Variants in KIF2A observed in about 807,000 individuals in gnomAD.
The protein encoded by KIF2A is kinesin family member 2A.
Under a neutral mutation model 100.2 loss-of-function variants are expected in KIF2A, and 22 were observed. The ratio of observed to expected loss-of-function variants is 0.22; its 90% CI spans 0.16 to 0.31. The LOEUF (loss-of-function observed/expected upper bound fraction) is 0.31. Ranked by LOEUF, KIF2A falls within the 10% of genes least tolerant of loss-of-function variation. KIF2A has a pLI of 1.00. For synonymous variants in KIF2A, 268 were observed against 285.9 expected (o/e 0.94, Z 0.63); for missense variants, 495 against 898.7 (o/e 0.55, Z 5.74).
At position 62,306,346 on chromosome 5, in the gene KIF2A, G is replaced by T. The variant is rs1745265057; in HGVS notation, c.-127G>T. ...TCCTTGCGGCCCCGCTTGCGTTCAC[G>T]CTGTCGCCCGGGCCGGCGCGGCCGC... is the stretch of plus-strand genomic sequence containing the variant. On this transcript the variant is annotated 5_prime_UTR_variant, in exon 1 of 21. Transcript: ENST00000407818. 2.7e-6 allele frequency: 2 copies of T among 738,488 alleles called. No individual in the cohort carries two copies. The highest frequency in any genetic ancestry group is 4.5e-6 in the Non-Finnish European group (2 of 441,248). The allele number at this position is 738,488 out of a possible 1,614,324, so 45.7% of individuals were successfully genotyped here. A position where few individuals can be genotyped will look rare whatever the true frequency, so the allele number is the denominator to read the frequency against.
At chr5:62,311,599 T>C (rs754681996) in intron 1 of KIF2A, among the ~76,000 whole-genome samples, 9 of 152,226 alleles carry the variant, frequency 5.9e-5, no homozygotes, top group Non-Finnish European at 1.3e-4. Context: ...ATTTTTCTTC[T>C]GCTAGTTCAT....
intron 1 of KIF2A, among the ~76,000 whole-genome samples, chr5:62,334,411 CT>C (rs1034740408): frequency 1.3e-4 from 19 of 151,754 alleles, no homozygotes; most frequent in African/African-American, 3.9e-4. Context: ...CATCCACAGT[CT>C]CCCCTCACTA....
Position 62,361,327 on chromosome 5 carries a change from A to T in KIF2A, c.958A>T (p.Thr320Ser). The T allele has an allele frequency of 6.3e-7, 1 of 1,599,064 alleles. No individual in the cohort carries two copies. The highest frequency in any genetic ancestry group is 8.6e-7 in the Non-Finnish European group (1 of 1,168,580). The part of the protein sequence containing the change: ...FAYGQTGSGK[T>S]HTMGGDFSGK... ...TTATGGGCAGACTGGAAGTGGAAAA[A>T]CTCATGTAAGTAATTTATTAAAGTT... The change falls in exon 10 of 21, where the codon ACT (threonine) becomes TCT (serine). Residue 320 changes from threonine (T) to serine (S), a missense_variant. Physicochemically the swap from Thr to Ser is moderately conservative, Grantham distance 58. Coordinates refer to ENST00000407818, the MANE Select transcript of KIF2A (RefSeq NM_001098511.3).
intron 1 of KIF2A, among the ~76,000 whole-genome samples, chr5:62,327,630 C>T (rs892408718): frequency 6.6e-6 from 1 of 152,226 alleles, no homozygotes; most frequent in Admixed American, 6.5e-5. Context: ...CCACATGGAG[C>T]TTCAGTGATC....
At chr5:62,311,800 A>G (rs1579994321) in intron 1 of KIF2A, 1 of 152,236 alleles carries the variant, frequency 6.6e-6, no homozygotes. Flanking sequence ...ATGTTTCTGT[A>G]TATGGATTTG....
At position 62,386,956 on chromosome 5, in the gene KIF2A, A is replaced by G. The variant is rs1288444148; in HGVS notation, c.*1387A>G. On this transcript the variant is annotated 3_prime_UTR_variant, in exon 21 of 21. Coordinates refer to ENST00000407818, the MANE Select transcript of KIF2A (RefSeq NM_001098511.3). ...ATTAACAGCTAAAAATCTCCCAAGG[A>G]TATCTTGTTTTGATTTATTTACTCC... Among the ~76,000 whole-genome samples, 1 of 152,196 alleles carries G rather than the reference A, an allele frequency of 6.6e-6. No homozygotes were observed. Among genetic ancestry groups the G allele is most frequent in the East Asian group, 1.9e-4 (1 of 5,202 alleles).
At chr5:62,372,709 T>TA (rs1157311352) in intron 17 of KIF2A, among the ~76,000 whole-genome samples, 158 bp downstream of exon 17, 1 of 152,232 alleles carries the variant, frequency 6.6e-6, no homozygotes, top group Non-Finnish European at 1.5e-5. Flanking sequence ...TCTGCATTCT[T>TA]ACATCTTTTA....
chr5:62,321,825 C>G (rs747311130), intron 1 of KIF2A, among the ~76,000 whole-genome samples: 23 of 152,126 alleles, frequency 1.5e-4, no homozygotes, highest in Non-Finnish European at 2.9e-4. Flanking sequence ...TCCCAAAATT[C>G]TGGGATTACA....
intron 11 of KIF2A, 35 bp downstream of exon 11, chr5:62,361,564 C>A: frequency 1.7e-6 from 2 of 1,181,164 alleles, no homozygotes; most frequent in Non-Finnish European, 1.3e-6. Flanking sequence ...TTGGAATATT[C>A]TTCTGTGGTA....
intron 1 of KIF2A, 38 bp downstream of exon 1, chr5:62,306,574 C>T (rs771112926): frequency 6.6e-7 from 1 of 1,524,292 alleles, no homozygotes; most frequent in South Asian, 1.2e-5. Context: ...CCGCTCGGCC[C>T]CGTGTTCGGG....
intron 1 of KIF2A, among the ~76,000 whole-genome samples, chr5:62,310,564 C>T (rs1455843790): frequency 6.6e-6 from 1 of 151,436 alleles, no homozygotes; most frequent in Non-Finnish European, 1.5e-5. Flanking sequence ...GTACTGCTAC[C>T]TCCCTACTCT....
chr5:62,353,277 C>A lies in KIF2A; in HGVS notation c.460C>A (p.Arg154Ser). The A allele has an allele frequency of 6.5e-7, 1 of 1,531,836 alleles. No homozygotes were observed. Among genetic ancestry groups the A allele is most frequent in the Non-Finnish European group, 8.8e-7 (1 of 1,140,140 alleles). The allele number at this position is 1,531,836 out of a possible 1,614,324, so 94.9% of individuals were successfully genotyped here. A position where few individuals can be genotyped will look rare whatever the true frequency, so the allele number is the denominator to read the frequency against. Residue 154 changes from arginine (R) to serine (S), a missense_variant and splice_region_variant, in exon 6 of 21, where the codon CGT becomes AGT. Around this residue, in one of 10 missense-constraint regions of KIF2A, gnomAD observed 109 missense variants for 244.2 expected, o/e 0.45. Transcript: ENST00000407818. Reference sequence around the variant, plus strand: ...TACAGCTCATCTTTTCTTTTCAGCACGTAGAAAATCTAATTGTGTGAAAGA... The same window carrying A: ...TACAGCTCATCTTTTCTTTTCAGCAAGTAGAAAATCTAATTGTGTGAAAGA... ...AAKKEFGPPS[R>S]RKSNCVKEVE...
intron 18 of KIF2A, among the ~76,000 whole-genome samples, chr5:62,376,724 G>T (rs1337642897): frequency 2.6e-5 from 4 of 151,270 alleles, no homozygotes; most frequent in Non-Finnish European, 1.5e-5. Context: ...CCCAGCCGAA[G>T]TTTTTTTTTG....
chr5:62,332,482 T>C (rs1308702044), intron 1 of KIF2A, among the ~76,000 whole-genome samples: 2 of 152,172 alleles, frequency 1.3e-5, no homozygotes, highest in African/African-American at 2.4e-5. Context: ...TAAAAATGTT[T>C]CTGAAAATGA....
chr5:62,362,510 A>T lies in KIF2A; in HGVS notation c.1088A>T (p.Tyr363Phe), dbSNP rs1238277530. 6.9e-7 allele frequency: 1 copy of T among 1,456,316 alleles called. No homozygotes were observed. 90.2% of individuals were successfully genotyped at this position (1,456,316 alleles called of 1,614,324 possible). Reference sequence around the variant, plus strand: ...TATAAGAAGCTAGAACTTCAAGTATATGCAACCTTCTTTGAAATTTATAGT... The same window carrying T: ...TATAAGAAGCTAGAACTTCAAGTATTTGCAACCTTCTTTGAAATTTATAGT... ...PNYKKLELQVYATFFEIYSGK... is the reference protein window; with the variant it reads ...PNYKKLELQVFATFFEIYSGK... The change falls in exon 12 of 21, where the codon TAT becomes TTT. Residue 363 changes from tyrosine (Y) to phenylalanine (F), a missense_variant. Physicochemically the swap from Tyr to Phe is conservative, Grantham distance 22. This residue lies in a region of KIF2A where 22 missense variants were observed against 19.3 expected (regional missense o/e 1.14). Coordinates refer to ENST00000407818, the MANE Select transcript of KIF2A (RefSeq NM_001098511.3).
intron 19 of KIF2A, among the ~76,000 whole-genome samples, chr5:62,378,204 G>T (rs1741625075): frequency 6.6e-6 from 1 of 152,166 alleles, no homozygotes; most frequent in South Asian, 2.1e-4. Context: ...GCTGTCAGTG[G>T]CAAGTTAAGG....
chr5:62,367,229 A>G (rs1373912036), intron 16 of KIF2A, among the ~76,000 whole-genome samples: 1 of 152,044 alleles, frequency 6.6e-6, no homozygotes, highest in Non-Finnish European at 1.5e-5. Context: ...TTGAGTAAGA[A>G]GTGATAGCAC....
intron 1 of KIF2A, among the ~76,000 whole-genome samples, chr5:62,330,887 C>G (rs1170614645): frequency 2.6e-5 from 4 of 151,876 alleles, no homozygotes; most frequent in African/African-American, 9.7e-5. Context: ...TCACCGGTGA[C>G]TACTTTTTAA....
intron 1 of KIF2A, among the ~76,000 whole-genome samples, chr5:62,343,031 C>T (rs999170669): frequency 3.3e-5 from 5 of 152,248 alleles, no homozygotes; most frequent in African/African-American, 7.2e-5. Context: ...GGATTACAGG[C>T]GTGAGCCACC....
Sources: allele counts gnomAD v4.1 joint callset (sites outside exome capture counted in the v4.1 genomes callset), GRCh38; gene constraint gnomAD v4.1.1; regional missense constraint gnomAD v4.1.1; transcripts MANE v1.5; gene names NCBI Gene and HGNC (gene_info 2026-07-23, HGNC 2026-07-21).